COL21A1: variants seen among roughly 807,000 people sequenced by gnomAD.
COL21A1 encodes the protein collagen type XXI alpha 1 chain.
Under a neutral mutation model 137.9 loss-of-function variants are expected in COL21A1, and 149 were observed. The ratio of observed to expected loss-of-function variants is 1.08; its 90% confidence interval spans 0.95 to 1.24. The LOEUF is 1.24. Among genes scored for constraint, COL21A1 ranks in the 50% most tolerant of loss-of-function variants. COL21A1 has a pLI of 0.00. For synonymous variants in COL21A1, 456 were observed against 391.5 expected (o/e 1.16, Z -1.95); for missense variants, 1,167 against 1,158.4 (o/e 1.01, Z -0.11).
chr6:56,280,033 G>A (rs563608074), intron 1 of COL21A1, among the ~76,000 whole-genome samples: 35 of 152,076 alleles, frequency 2.3e-4, no homozygotes, highest in African/African-American at 8.0e-4. Context: ...AACACAAAAA[G>A]CTACCATCTT....
At chr6:56,342,033 C>G (rs936267214) in intron 1 of COL21A1, among the ~76,000 whole-genome samples, 2 of 152,158 alleles carry the variant, frequency 1.3e-5, no homozygotes, top group Non-Finnish European at 2.9e-5. Context: ...CATTTTCCCT[C>G]CCCTGTTCCA....
At chr6:56,166,099 T>C (rs1054379637) in intron 7 of COL21A1, among the ~76,000 whole-genome samples, 1 of 152,144 alleles carries the variant, frequency 6.6e-6, no homozygotes, top group African/African-American at 2.4e-5. Context: ...CTATTCATTA[T>C]TTCACTGACA....
At chr6:56,097,886 T>TATAGATAA (rs1769578161) in intron 17 of COL21A1, among the ~76,000 whole-genome samples, 1 of 90,220 alleles carries the variant, frequency 1.1e-5, no homozygotes, top group Non-Finnish European at 2.1e-5. Context: ...AATATATAAA[T>TATAGATAA]ATATATAAAT....
At chr6:56,331,256 T>A (rs1163734900) in intron 1 of COL21A1, among the ~76,000 whole-genome samples, 5 of 151,856 alleles carry the variant, frequency 3.3e-5, no homozygotes, top group African/African-American at 4.8e-5. Context: ...GTTGTCTATT[T>A]TTTTTTTCTG....
At position 56,276,798 on chromosome 6, in the gene COL21A1, G is replaced by GTT. The variant is rs202071546; in HGVS notation, c.-38-94144_-38-94143dup. The stretch of plus-strand genomic sequence containing the variant: ...TAATTCTGGTTGTTCAGTGAGTTGT[G>GTT]TTTTTTTTGTTTTTTTTGTTTTTTT... On this transcript the variant is annotated intron_variant, in intron 1 of 28. Transcript: ENST00000370819. 408 of 878,318 alleles carry GTT rather than the reference G, an allele frequency of 4.6e-4. 1 individual carries two copies. The highest frequency in any genetic ancestry group is 1.4e-3 in the East Asian group (55 of 39,780). 54.4% of individuals were successfully genotyped at this position (878,318 alleles called of 1,614,324 possible).
upstream of COL21A1, among the ~76,000 whole-genome samples, chr6:56,249,389 C>T (rs1782796064): frequency 6.6e-6 from 1 of 152,176 alleles, no homozygotes; most frequent in Non-Finnish European, 1.5e-5. Context: ...AAATCAAAAA[C>T]ATATATCCAC....
chr6:56,335,595 T>C (rs945163868), intron 1 of COL21A1, among the ~76,000 whole-genome samples: 1 of 152,202 alleles, frequency 6.6e-6, no homozygotes, highest in African/African-American at 2.4e-5. Context: ...AGCCCCACTA[T>C]GTGAACAGTC....
rs1770442115 is a variant in COL21A1, at chr6:56,101,359, GAAGTCACTGAACAAAT to G, written c.1812+97_1812+112del. 6.5e-6 allele frequency: 5 copies of G among 764,514 alleles called. No individual in the cohort carries two copies. In the East Asian group the frequency reaches 1.3e-4, roughly 21 times the overall value. The allele number at this position is 764,514 out of a possible 1,614,324, so 47.4% of individuals were successfully genotyped here. ...CAGCTTCTACAACATCTAAAATCTG[GAAGTCACTGAACAAAT>G]AATAGGGCATCTGAGAGAAGAATTT... On this transcript the variant is annotated intron_variant, in intron 17 of 29. Transcript: ENST00000244728.
chr6:56,128,101 T>C (rs963977091), intron 12 of COL21A1, among the ~76,000 whole-genome samples: 3 of 152,144 alleles, frequency 2.0e-5, no homozygotes, highest in African/African-American at 7.2e-5. Flanking sequence ...CGGCAAACCC[T>C]GGAAATGGGA....
At chr6:56,303,011 C>G (rs1182508732) in intron 1 of COL21A1, among the ~76,000 whole-genome samples, 2 of 151,938 alleles carry the variant, frequency 1.3e-5, no homozygotes, top group East Asian at 3.9e-4. Context: ...GCTTGTTTTT[C>G]TCAGGTTTGT....
chr6:56,067,186 A>C, intron 23 of COL21A1, 109 bp downstream of exon 23: 1 of 910,198 alleles, frequency 1.1e-6, no homozygotes, highest in Non-Finnish European at 1.6e-6. Context: ...ATAGGATTTA[A>C]CAACTTTATA....
intron 20 of COL21A1, among the ~76,000 whole-genome samples, chr6:56,072,309 T>C (rs1382845492): frequency 1.3e-5 from 2 of 151,616 alleles, no homozygotes; most frequent in African/African-American, 4.8e-5. Flanking sequence ...TATATTCCTT[T>C]GGATACATAC....
At chr6:56,105,304 C>G (rs1254149961) in intron 16 of COL21A1, among the ~76,000 whole-genome samples, 5 of 152,042 alleles carry the variant, frequency 3.3e-5, no homozygotes, top group Non-Finnish European at 5.9e-5. Context: ...AAAATAAGAG[C>G]CTTTGTGAAA....
intron 1 of COL21A1, among the ~76,000 whole-genome samples, chr6:56,328,326 T>C (rs911527378): frequency 6.6e-6 from 1 of 152,062 alleles, no homozygotes; most frequent in African/African-American, 2.4e-5. Context: ...TACTGAACTT[T>C]AGGTACAACG....
intron 1 of COL21A1, among the ~76,000 whole-genome samples, chr6:56,258,772 A>G (rs1763177366): frequency 6.6e-6 from 1 of 152,222 alleles, no homozygotes; most frequent in Non-Finnish European, 1.5e-5. Context: ...GAATCTTCAT[A>G]TCTTAACTCA....
At chr6:56,311,626 G>A (rs2152339607) in intron 1 of COL21A1, among the ~76,000 whole-genome samples, 1 of 152,288 alleles carries the variant, frequency 6.6e-6, no homozygotes, top group East Asian at 1.9e-4. Context: ...AATATATGGT[G>A]TGTGTGTACA....
chr6:56,195,617 A>G (rs1161967039), intron 1 of COL21A1, among the ~76,000 whole-genome samples: 1 of 152,158 alleles, frequency 6.6e-6, no homozygotes, highest in African/African-American at 2.4e-5. Flanking sequence ...TAAAAATTAT[A>G]TGCTAACAAA....
intron 12 of COL21A1, among the ~76,000 whole-genome samples, chr6:56,131,670 C>T (rs1001798606): frequency 6.6e-6 from 1 of 151,836 alleles, no homozygotes; most frequent in African/African-American, 2.4e-5. Flanking sequence ...ATTTAGGTCA[C>T]CCATTATTAA....
At chr6:56,130,480 A>G (rs905654024) in intron 12 of COL21A1, among the ~76,000 whole-genome samples, 9 of 152,126 alleles carry the variant, frequency 5.9e-5, no homozygotes, top group Middle Eastern at 3.4e-3. Context: ...TAATAAAACT[A>G]TAGAAGAAAG....
Sources: allele counts gnomAD v4.1 joint callset (sites outside exome capture counted in the v4.1 genomes callset), GRCh38; gene constraint gnomAD v4.1.1; transcripts MANE v1.5; gene names NCBI Gene and HGNC (gene_info 2026-07-23, HGNC 2026-07-21).